Variants in DMD observed in about 807,000 individuals in gnomAD.
DMD encodes mutant dystrophin.
In DMD, 63 loss-of-function variants were observed where a neutral mutation model predicts 330.1. That is an observed-to-expected ratio of 0.19 (90% CI 0.16 to 0.24). DMD has a LOEUF of 0.24. Among genes scored for constraint, DMD ranks in the 10% least tolerant of loss-of-function variants. The pLI is 1.00. For synonymous variants in DMD, 1,223 were observed against 959.8 expected, an observed-to-expected ratio of 1.27 and a Z score of -5.07; for missense variants, 3,344 against 2,684.1, an observed-to-expected ratio of 1.25 and a Z score of -5.43.
rs151307239 is a variant in DMD, at chrX:32,615,800, G to A, written c.1332-1347C>T. Among the ~76,000 whole-genome samples the A allele has an allele frequency of 7.8e-3, 870 of 111,212 alleles. 8 individuals carry two copies. Among genetic ancestry groups the A allele is most frequent in the African/African-American group, 0.027 (819 of 30,698 alleles). On this transcript the variant is annotated intron_variant, in intron 11 of 78. Transcript: ENST00000357033. ...TCATATAACTTGCACTCAGTCTCCC[G>A]TTTTATTAACATCTTATGTTATTAT...
intron 55 of DMD, among the ~76,000 whole-genome samples, chrX:31,519,398 A>G (rs2072542383): frequency 8.9e-6 from 1 of 112,412 alleles, no homozygotes; most frequent in Non-Finnish European, 1.9e-5. Context: ...AAGCAAGAAC[A>G]TATGGCAAAG....
chrX:32,033,606 A>AC (rs1297092221), intron 44 of DMD, among the ~76,000 whole-genome samples: 51 of 46,105 alleles, frequency 1.1e-3, no homozygotes, highest in Non-Finnish European at 1.6e-3. Context: ...AGACAGACAG[A>AC]AAGAAAGAAA....
chrX:32,080,658 G>C (rs1272843863), intron 44 of DMD, among the ~76,000 whole-genome samples: 1 of 111,767 alleles, frequency 8.9e-6, no homozygotes, highest in South Asian at 3.8e-4. Flanking sequence ...CTACTGTGAT[G>C]GACGCTGATG....
chrX:32,218,436 G>C (rs949358642), intron 43 of DMD, among the ~76,000 whole-genome samples: 16 of 111,826 alleles, frequency 1.4e-4, no homozygotes, highest in African/African-American at 5.2e-4. Flanking sequence ...CGGCTATGGT[G>C]CTGCCTCAGA....
chrX:33,076,930 G>A (rs1460815985), intron 1 of DMD, among the ~76,000 whole-genome samples: 1 of 111,463 alleles, frequency 9.0e-6, no homozygotes, highest in East Asian at 2.9e-4. Context: ...ATAACTTGGT[G>A]GGTGGGGGGA....
intron 44 of DMD, among the ~76,000 whole-genome samples, chrX:31,992,430 C>G (rs1386547668): frequency 2.7e-5 from 3 of 111,607 alleles, no homozygotes; most frequent in African/African-American, 9.8e-5. Flanking sequence ...GTTGAAAGGA[C>G]TATGAAAGCA....
chrX:32,031,780 A>C, intron 44 of DMD, among the ~76,000 whole-genome samples: 1 of 111,959 alleles, frequency 8.9e-6, no homozygotes. Flanking sequence ...CAATCTGTTT[A>C]ACACTAAACA....
chrX:32,906,012 T>C (rs1601839164), intron 2 of DMD, among the ~76,000 whole-genome samples: 8 of 112,151 alleles, frequency 7.1e-5, no homozygotes. Flanking sequence ...AACTGTCTGA[T>C]TGCTCAGAAA....
chrX:32,247,311 T>C (rs1238539788), intron 43 of DMD, among the ~76,000 whole-genome samples: 1 of 111,632 alleles, frequency 9.0e-6, no homozygotes, highest in Admixed American at 9.6e-5. Flanking sequence ...TCACATTACT[T>C]CACCTGAAAA....
At chrX:32,495,208 A>C (rs1259881675) in intron 19 of DMD, among the ~76,000 whole-genome samples, 1 of 112,000 alleles carries the variant, frequency 8.9e-6, no homozygotes, top group Non-Finnish European at 1.9e-5. Context: ...TGCCTGCTCA[A>C]CAAGGGCATA....
At chrX:31,367,804 T>C (rs896155030) in intron 60 of DMD, among the ~76,000 whole-genome samples, 59 of 111,787 alleles carry the variant, frequency 5.3e-4, no homozygotes, top group African/African-American at 1.7e-3. Flanking sequence ...CCACGACACT[T>C]ACTGCACTGA....
intron 62 of DMD, among the ~76,000 whole-genome samples, chrX:31,283,990 T>C (rs1215530183): frequency 8.9e-6 from 1 of 112,194 alleles, no homozygotes; most frequent in Non-Finnish European, 1.9e-5. Flanking sequence ...CAAAAATGCA[T>C]TTAACATACC....
chrX:32,760,062 G>A (rs1295367209), intron 7 of DMD, among the ~76,000 whole-genome samples: 3 of 108,113 alleles, frequency 2.8e-5, no homozygotes, highest in African/African-American at 6.8e-5. Context: ...TTCCTATTTT[G>A]TGTTTATATT....
intron 29 of DMD, among the ~76,000 whole-genome samples, chrX:32,418,470 G>A (rs745606221): frequency 9.0e-5 from 10 of 111,623 alleles, no homozygotes; most frequent in Non-Finnish European, 1.7e-4. Flanking sequence ...TCATGCAACT[G>A]CAAGTTGCAT....
chrX:31,234,846 C>T (rs182964757), intron 63 of DMD, among the ~76,000 whole-genome samples: 2 of 111,195 alleles, frequency 1.8e-5, no homozygotes, highest in African/African-American at 3.3e-5. Context: ...ACTCTGAATA[C>T]AGCATGGACA....
intron 13 of DMD, among the ~76,000 whole-genome samples, chrX:32,574,819 G>T (rs185737431): frequency 9.0e-6 from 1 of 110,812 alleles, no homozygotes; most frequent in Non-Finnish European, 1.9e-5. Flanking sequence ...TACTACATAT[G>T]TGTATTAACC....
chrX:32,236,599 G>T (rs2097188833), intron 43 of DMD, among the ~76,000 whole-genome samples: 1 of 111,322 alleles, frequency 9.0e-6, no homozygotes, highest in Non-Finnish European at 1.9e-5. Context: ...TTAGTCTCAT[G>T]AGATCTGATG....
intron 1 of DMD, among the ~76,000 whole-genome samples, chrX:33,140,595 T>C (rs189519095): frequency 1.8e-5 from 2 of 112,478 alleles, no homozygotes; most frequent in African/African-American, 3.2e-5. Flanking sequence ...TAAATAACTT[T>C]GTTTCCATTT....
intron 44 of DMD, among the ~76,000 whole-genome samples, chrX:32,157,530 T>C (rs181052428): frequency 8.9e-6 from 1 of 112,227 alleles, no homozygotes; most frequent in East Asian, 2.8e-4. Flanking sequence ...ATAGATTAAA[T>C]TTGATAGAGC....
Sources: gnomAD v4.1 joint callset for allele counts (sites outside exome capture counted in the v4.1 genomes callset) on GRCh38, gnomAD v4.1.1 for gene constraint, MANE v1.5 for transcripts, NCBI Gene and HGNC (gene_info 2026-07-23, HGNC 2026-07-21) for gene names.